WDR90: variants seen among roughly 807,000 people sequenced by gnomAD.
WDR90 encodes the protein WD repeat domain 90, also known as WD repeat-containing protein 90.
In WDR90, 238 loss-of-function variants were observed where a neutral mutation model predicts 195.2. The ratio of observed to expected loss-of-function variants is 1.22; its 90% CI spans 1.10 to 1.36. The LOEUF (loss-of-function observed/expected upper bound fraction) is 1.36. WDR90 is among the 40% of genes most tolerant of loss of function. The probability of loss-of-function intolerance (pLI) is 0.00; values close to 1 mark genes in which losing one functional copy is unlikely to be tolerated. For synonymous variants in WDR90, 1,265 were observed against 1,052.4 expected (o/e 1.20, Z -3.91); for missense variants, 2,734 against 2,439.5 (o/e 1.12, Z -2.54).
intron 28 of WDR90, 164 bp from the exon 29 acceptor site, chr16:660,887 T>C: frequency 6.5e-6 from 5 of 773,816 alleles, no homozygotes; most frequent in Non-Finnish European, 8.7e-6. Context: ...TGAAGCACTT[T>C]GGCTACTGGA....
chr16:656,324 A>G lies in WDR90; in HGVS notation c.1989A>G (p.Ser663=). The G allele has an allele frequency of 6.2e-7, 1 of 1,609,126 alleles. No individual in the cohort carries two copies. The highest frequency in any genetic ancestry group is 1.1e-5 in the South Asian group (1 of 90,952). ...LEAEHEGPVS[S]VCVSPDGLRV... is the part of the protein sequence containing the mutation. ...CAGAGCACGAGGGCCCCGTCAGCTC[A>G]GTCTGTGTCAGCCCCGATGGCCTCC... is the stretch of plus-strand genomic sequence containing the variant. The change falls in exon 18 of 41, where the codon TCA becomes TCG. Residue 663 remains serine (S), a synonymous_variant. Coordinates refer to ENST00000293879, the MANE Select transcript of WDR90 (RefSeq NM_145294.5).
At chr16:650,232 C>T (rs2151141503) in intron 3 of WDR90, 22 bp from the exon 4 acceptor site, 1 of 1,611,454 alleles carries the variant, frequency 6.2e-7, no homozygotes, top group East Asian at 2.2e-5. Context: ...TGTCTCCTCA[C>T]GGCCCTGCTC....
chr16:650,393 G>A, intron 4 of WDR90, 31 bp downstream of exon 4: 1 of 1,600,624 alleles, frequency 6.2e-7, no homozygotes, highest in Non-Finnish European at 8.5e-7. Context: ...GGATGATCCA[G>A]GACAGGTGGC....
Position 666,554 on chromosome 16 carries a change from G to A in WDR90, c.4840G>A (p.Glu1614Lys), listed in dbSNP as rs1195468244. 1 of 1,612,678 alleles carries A rather than the reference G, an allele frequency of 6.2e-7. No homozygotes were observed. The highest frequency in any genetic ancestry group is 8.5e-7 in the Non-Finnish European group (1 of 1,179,986). ...CTCCGACTGGCTGCGGAACCACTGT[G>A]AGCTTGTGGACTGGTTGAGTTTCCC... ...WASDWLRNHCELVDWLSFPMP... is the reference protein window; with the variant it reads ...WASDWLRNHCKLVDWLSFPMP... The change falls in exon 38 of 41, where the codon GAG (glutamate) becomes AAG (lysine). Residue 1614 changes from glutamate to lysine, a missense_variant. Transcript: ENST00000293879.
At position 659,159 on chromosome 16, in the gene WDR90, C is replaced by T. The variant is rs777131213; in HGVS notation, c.3052+33C>T. 3.7e-6 allele frequency: 6 copies of T among 1,610,058 alleles called. No homozygotes were observed. The African/African-American group carries it at 6.7e-5, about 18-fold the overall frequency. ...GCTGTGCTCAGCTGGGGTGCAGGTG[C>T]TGCGCTGACTCTGGGGCCCGTCCTG... On this transcript the variant is annotated intron_variant, in intron 25 of 40. Coordinates refer to ENST00000293879, the MANE Select transcript of WDR90 (RefSeq NM_145294.5).
In WDR90 at chr16:666,068, A is replaced by G. The variant is rs2038020006; in HGVS notation, c.4553A>G (p.Glu1518Gly). ...TTCAGCGTCTCCCGCACGGCCATGG[A>G]GCTCAAGATGCACCCCCACCCGGTG... ...RIFSVSRTAM[E>G]LKMHPHPVAL... Residue 1518 changes from glutamate to glycine, a missense_variant, in exon 36 of 41, where the codon GAG becomes GGG. Physicochemically the swap from Glu to Gly is moderately conservative, Grantham distance 98. Coordinates refer to ENST00000293879, the MANE Select transcript of WDR90 (RefSeq NM_145294.5). 4 of 1,609,018 alleles carry G rather than the reference A, an allele frequency of 2.5e-6. No individual in the cohort carries two copies. Among genetic ancestry groups the G allele is most frequent in the African/African-American group, 2.7e-5 (2 of 75,018 alleles).
Position 655,807 on chromosome 16 carries a change from C to T in WDR90, c.1884C>T (p.Ser628=). The T allele has an allele frequency of 6.3e-7, 1 of 1,592,314 alleles. No individual in the cohort carries two copies. Reference sequence around the variant, plus strand: ...TTGCCATCAGCAGCCTCAGCGTCTCCCCGGCCATGTGTGCTGTGGGCTCTG... The same window carrying T: ...TTGCCATCAGCAGCCTCAGCGTCTCTCCGGCCATGTGTGCTGTGGGCTCTG... The part of the protein sequence containing the change: ...PGIAISSLSV[S]PAMCAVGSED... Residue 628 remains serine (S), a synonymous_variant, in exon 17 of 41, where the codon TCC becomes TCT. Transcript: ENST00000293879.
Position 655,077 on chromosome 16 carries a change from G to A in WDR90, c.1486G>A (p.Val496Ile). The A allele has an allele frequency of 1.2e-6, 2 of 1,612,778 alleles. No individual in the cohort carries two copies. The highest frequency in any genetic ancestry group is 2.2e-5 in the South Asian group (2 of 91,080). ...CCAGGTGGGCCTCGGTGGCGAGGTG[G>A]TCGTTCTGGCAAAGGCGCACACTGA... Reference protein sequence around the residue: ...TGQVGLGGEVVVLAKAHTDFD... With the variant: ...TGQVGLGGEVIVLAKAHTDFD... Residue 496 changes from valine (V) to isoleucine (I), a missense_variant, in exon 14 of 41, where the codon GTC (valine) becomes ATC (isoleucine). Transcript: ENST00000293879.
chr16:655,521 T>C, intron 15 of WDR90, 52 bp from the exon 16 acceptor site: 3 of 1,545,822 alleles, frequency 1.9e-6, no homozygotes, highest in South Asian at 2.5e-5. Flanking sequence ...CCCTGGTGCC[T>C]GGGCCTCCCC....
Position 667,722 on chromosome 16 carries a change from G to A in WDR90, c.*133G>A, listed in dbSNP as rs760256869. 177 of 1,397,232 alleles carry A rather than the reference G, an allele frequency of 1.3e-4. No individual in the cohort carries two copies. Among genetic ancestry groups the A allele is most frequent in the Non-Finnish European group, 1.6e-4 (168 of 1,020,294 alleles). 86.6% of individuals were successfully genotyped at this position (1,397,232 alleles called of 1,614,324 possible). A position where few individuals can be genotyped will look rare whatever the true frequency, so the allele number is the denominator to read the frequency against. On this transcript the variant is annotated 3_prime_UTR_variant, in exon 41 of 41. Transcript: ENST00000293879. Reference sequence around the variant, plus strand: ...CCAGGATTCACGTAAATCGCCTGGAGCAAGCTGTTGTAAATTTGGCGCCCT... The same window carrying A: ...CCAGGATTCACGTAAATCGCCTGGAACAAGCTGTTGTAAATTTGGCGCCCT...
In WDR90 at chr16:661,336, T is replaced by C. The variant is rs1567220971; in HGVS notation, c.3514-6T>C. On this transcript the variant is annotated splice_region_variant and splice_polypyrimidine_tract_variant and intron_variant, in intron 29 of 40. Coordinates refer to ENST00000293879, the MANE Select transcript of WDR90 (RefSeq NM_145294.5). ...CCCCACTCACGCCTGGCCTCTTGCC[T>C]GCCAGGTCCTGGCCTCTGCCTCGGG... The C allele has an allele frequency of 5.7e-6, 9 of 1,590,100 alleles. No homozygotes were observed. The East Asian group carries it at 1.4e-4, about 24-fold the overall frequency.
chr16:662,798 G>T lies in WDR90; in HGVS notation c.4265G>T (p.Trp1422Leu). 3.1e-6 allele frequency: 5 copies of T among 1,600,380 alleles called. No individual in the cohort carries two copies. The East Asian group carries it at 1.1e-4, about 36-fold the overall frequency. Reference protein sequence around the residue: ...TTAGTLWFVSWAEGTSTRLIS... With the variant: ...TTAGTLWFVSLAEGTSTRLIS... The stretch of plus-strand genomic sequence containing the variant: ...GCGGGCACGCTGTGGTTTGTCAGCT[G>T]GGCCGAGGGCACCAGCACACGTCTC... Residue 1422 changes from tryptophan to leucine, a missense_variant, in exon 34 of 41, where the codon TGG (tryptophan) becomes TTG (leucine). Transcript: ENST00000293879.
At chr16:658,723 A>AGGTG in intron 23 of WDR90, 70 bp downstream of exon 23, 1 of 1,578,818 alleles carries the variant, frequency 6.3e-7, no homozygotes, top group East Asian at 2.3e-5. Context: ...AGACCCCTGC[A>AGGTG]GGTGTGGGTG....
chr16:657,162 A>G lies in WDR90; in HGVS notation c.2414A>G (p.Gln805Arg). Residue 805 changes from glutamine to arginine, a missense_variant, in exon 20 of 41, where the codon CAG becomes CGG. Transcript: ENST00000293879. ...CGCCTGCTCTTCAGCTCCTGCTCCC[A>G]GGGCTCCCTGGCCCAGTACAGCTGT... Reference protein sequence around the residue: ...DGRLLFSSCSQGSLAQYSCAD... With the variant: ...DGRLLFSSCSRGSLAQYSCAD... 6.4e-7 allele frequency: 1 copy of G among 1,562,764 alleles called. No homozygotes were observed. The highest frequency in any genetic ancestry group is 8.7e-7 in the Non-Finnish European group (1 of 1,154,334).
intron 7 of WDR90, among the ~76,000 whole-genome samples, 168 bp from the exon 8 acceptor site, chr16:651,476 C>T (rs992530446): frequency 4.6e-5 from 7 of 152,090 alleles, no homozygotes; most frequent in Non-Finnish European, 8.8e-5. Flanking sequence ...AGCTTTCTAG[C>T]TGGAAGAGGA....
At chr16:650,230 C>T (rs2037615709) in intron 3 of WDR90, 24 bp from the exon 4 acceptor site, 1 of 1,611,596 alleles carries the variant, frequency 6.2e-7, no homozygotes. Flanking sequence ...CCTGTCTCCT[C>T]ACGGCCCTGC....
At chr16:663,983 A>C (rs2037969287) in intron 34 of WDR90, among the ~76,000 whole-genome samples, 1 of 152,138 alleles carries the variant, frequency 6.6e-6, no homozygotes, top group Non-Finnish European at 1.5e-5. Context: ...CCCATCATCC[A>C]GTTGCCCCTG....
In WDR90 at chr16:666,778, C is replaced by T. The variant is rs1419570179; in HGVS notation, c.4990C>T (p.Leu1664Phe). 15 of 1,612,708 alleles carry T rather than the reference C, an allele frequency of 9.3e-6. No homozygotes were observed. The highest frequency in any genetic ancestry group is 3.3e-4 in the Middle Eastern group (2 of 6,084). ...TTACAAGGAGGTGATCATCTACAAC[C>T]TCTGCCAGAAGCAGGTACACGCAGC... ...GVYKEVIIYN[L>F]CQKQVVEKIP... The change falls in exon 39 of 41, where the codon CTC (leucine) becomes TTC (phenylalanine). Residue 1664 changes from leucine (L) to phenylalanine (F), a missense_variant. By Grantham distance (22) the Leu-to-Phe change is conservative (BLOSUM62 0). Transcript: ENST00000293879.
chr16:656,920 C>A, intron 19 of WDR90, 49 bp downstream of exon 19: 1 of 1,590,632 alleles, frequency 6.3e-7, no homozygotes. Flanking sequence ...ACGGTGGAAG[C>A]TGGGGTGGCC....
Sources: gnomAD v4.1 joint callset for allele counts (sites outside exome capture counted in the v4.1 genomes callset) on GRCh38, gnomAD v4.1.1 for gene constraint, MANE v1.5 for transcripts, NCBI Gene and HGNC (gene_info 2026-07-23, HGNC 2026-07-21) for gene names.